EIF4G3: variants seen among roughly 807,000 people sequenced by gnomAD.
The protein encoded by EIF4G3 is eukaryotic translation initiation factor 4 gamma 3.
Under a neutral mutation model 186.4 loss-of-function variants are expected in EIF4G3, and 34 were observed. The observed-to-expected ratio is 0.18, with a 90% CI of 0.14 to 0.24. The LOEUF (loss-of-function observed/expected upper bound fraction) is 0.24. Ranked by LOEUF, EIF4G3 falls within the 10% of genes least tolerant of loss-of-function variation. The pLI is 1.00. For missense variants in EIF4G3, 1,536 were observed against 1,948.5 expected, an observed-to-expected ratio of 0.79 and a Z score of 3.99; for synonymous variants, 673 against 679.5, an observed-to-expected ratio of 0.99 and a Z score of 0.15.
chr1:20,858,554 CTTTG>C (rs375690151), intron 24 of EIF4G3, among the ~76,000 whole-genome samples: 78 of 152,236 alleles, frequency 5.1e-4, no homozygotes, highest in Admixed American at 2.9e-3. Context: ...CTTCTCCCTT[CTTTG>C]TTTTTCTACA....
intron 4 of EIF4G3, 29 bp from the exon 5 acceptor site, chr1:21,002,837 T>A: frequency 7.4e-7 from 1 of 1,344,840 alleles, no homozygotes. Flanking sequence ...AACAATATAA[T>A]ATTTTGAAAA....
At chr1:20,934,710 T>G (rs928031954) in intron 14 of EIF4G3, among the ~76,000 whole-genome samples, 1 of 152,106 alleles carries the variant, frequency 6.6e-6, no homozygotes, top group African/African-American at 2.4e-5. Flanking sequence ...CTCTGCCTAC[T>G]GGAGTTTAAT....
intron 14 of EIF4G3, among the ~76,000 whole-genome samples, chr1:20,920,265 G>A (rs993222415): frequency 6.6e-6 from 1 of 152,044 alleles, no homozygotes; most frequent in African/African-American, 2.4e-5. Flanking sequence ...TTTAAAATAG[G>A]CAATTTATGT....
rs114669611 is a variant in EIF4G3 at position 21,101,286 on chromosome 1, G to A, written c.-271-12073C>T. Among the ~76,000 whole-genome samples, 818 of 151,922 alleles carry A rather than the reference G, an allele frequency of 5.4e-3. 11 individuals carry two copies. The highest frequency in any genetic ancestry group is 0.024 in the East Asian group (122 of 5,098). The stretch of plus-strand genomic sequence containing the variant: ...CACTGCAGGATAAAATATGCAATAG[G>A]GCCGAGCACGGTGGCTCACGCCAGT... On this transcript the variant is annotated intron_variant, in intron 2 of 36. Transcript: ENST00000602326.
chr1:20,868,041 G>A (rs2078007581), intron 20 of EIF4G3, among the ~76,000 whole-genome samples: 2 of 149,426 alleles, frequency 1.3e-5, no homozygotes, highest in Non-Finnish European at 3.0e-5. Context: ...AATATGGAAA[G>A]GGGCCAGTGA....
chr1:21,097,169 G>A (rs1441407668), intron 2 of EIF4G3, among the ~76,000 whole-genome samples: 1 of 152,186 alleles, frequency 6.6e-6, no homozygotes, highest in Non-Finnish European at 1.5e-5. Context: ...CAAATAGTGT[G>A]CAGATTCTAT....
chr1:20,906,510 G>A (rs1395810800), intron 14 of EIF4G3, among the ~76,000 whole-genome samples: 2 of 152,084 alleles, frequency 1.3e-5, no homozygotes, highest in Admixed American at 1.3e-4. Flanking sequence ...GATTTTTGGG[G>A]CTCAAATATA....
At chr1:21,105,530 ATGT>A (rs976187411) in intron 2 of EIF4G3, among the ~76,000 whole-genome samples, 2 of 128,928 alleles carry the variant, frequency 1.6e-5, no homozygotes, top group Admixed American at 1.5e-4. Context: ...AACCTAAAAT[ATGT>A]TTTTTTAAGA....
chr1:20,831,766 A>T (rs1571274864), intron 30 of EIF4G3, among the ~76,000 whole-genome samples: 2 of 104,238 alleles, frequency 1.9e-5, no homozygotes, highest in Non-Finnish European at 1.9e-5. Context: ...CCCTCCCCCG[A>T]CCCCACAACA....
chr1:20,972,135 T>G lies in EIF4G3; in HGVS notation c.591+867A>C, dbSNP rs897476267. On this transcript the variant is annotated intron_variant, in intron 11 of 36. Coordinates refer to ENST00000602326, the MANE Select transcript of EIF4G3 (RefSeq NM_001391906.1). The stretch of plus-strand genomic sequence containing the variant: ...CTTTTATATTACTACACTCCAATTC[T>G]CTTGGGCCTGCCTCATTAGACAAAG... Among the ~76,000 whole-genome samples, 4 of 152,328 alleles carry G rather than the reference T, an allele frequency of 2.6e-5. No individual in the cohort carries two copies. In the South Asian group the frequency reaches 6.2e-4, roughly 24 times the overall value.
chr1:20,965,480 T>C (rs1328628921), intron 12 of EIF4G3, among the ~76,000 whole-genome samples: 1 of 152,218 alleles, frequency 6.6e-6, no homozygotes, highest in African/African-American at 2.4e-5. Flanking sequence ...TGGTAAATTA[T>C]ATGGTCATCC....
chr1:20,841,007 C>G lies in EIF4G3; in HGVS notation c.3910G>C (p.Glu1304Gln), dbSNP rs751584449. Residue 1304 changes from glutamate (E) to glutamine (Q), a missense_variant, in exon 30 of 37, where the codon GAG (glutamate) becomes CAG (glutamine). Physicochemically the swap from Glu to Gln is conservative, Grantham distance 29. Around this residue, in one of 11 missense-constraint regions of EIF4G3, gnomAD observed 395 missense variants for 498.9 expected, o/e 0.79. Transcript: ENST00000602326. Reference sequence around the variant, plus strand: ...TGTAGTAGGCCCTGGGCATTCAGCTCTTCCACACACTGCATGGCTTCCTGT... The same window carrying G: ...TGTAGTAGGCCCTGGGCATTCAGCTGTTCCACACACTGCATGGCTTCCTGT... Reference protein sequence around the residue: ...DFKEAMQCVEELNAQGLLHVF... With the variant: ...DFKEAMQCVEQLNAQGLLHVF... 6.2e-7 allele frequency: 1 copy of G among 1,614,152 alleles called. No homozygotes were observed. The highest frequency in any genetic ancestry group is 1.7e-5 in the Admixed American group (1 of 59,994).
intron 7 of EIF4G3, among the ~76,000 whole-genome samples, chr1:20,994,141 G>A (rs1226991707): frequency 1.3e-5 from 2 of 152,152 alleles, no homozygotes; most frequent in Admixed American, 6.5e-5. Flanking sequence ...AAGCCCAAAC[G>A]ATGCTAAATT....
chr1:21,050,473 G>A (rs1264007230), intron 4 of EIF4G3, among the ~76,000 whole-genome samples: 1 of 152,140 alleles, frequency 6.6e-6, no homozygotes, highest in African/African-American at 2.4e-5. Flanking sequence ...CTCAAGAGGG[G>A]AAGACACCAA....
chr1:20,854,198 G>A (rs983091593), intron 26 of EIF4G3, among the ~76,000 whole-genome samples: 2 of 152,014 alleles, frequency 1.3e-5, no homozygotes, highest in African/African-American at 4.8e-5. Context: ...TTGGTCCTGA[G>A]GTCAAATCTC....
At chr1:20,863,538 G>A (rs1481289740) in intron 22 of EIF4G3, among the ~76,000 whole-genome samples, 1 of 149,306 alleles carries the variant, frequency 6.7e-6, no homozygotes, top group African/African-American at 2.5e-5. Flanking sequence ...TCTGCCTCCC[G>A]GGTTCAAGCA....
At chr1:21,053,863 G>A (rs1182355464) in intron 3 of EIF4G3, among the ~76,000 whole-genome samples, 15 of 144,444 alleles carry the variant, frequency 1.0e-4, no homozygotes, top group African/African-American at 3.1e-4. Context: ...TCAGCCCCCC[G>A]CCCGGCCAGC....
At chr1:20,947,167 C>A (rs1395896704) in intron 13 of EIF4G3, among the ~76,000 whole-genome samples, 2 of 151,874 alleles carry the variant, frequency 1.3e-5, no homozygotes, top group African/African-American at 4.8e-5. Flanking sequence ...CACAACATGG[C>A]AAAACCTCGC....
chr1:21,150,017 C>T (rs1248438088), intron 2 of EIF4G3, among the ~76,000 whole-genome samples: 2 of 152,256 alleles, frequency 1.3e-5, no homozygotes, highest in African/African-American at 2.4e-5. Context: ...GTGTCATTCC[C>T]TCCAAACAGC....
Sources: gnomAD v4.1 joint callset for allele counts (sites outside exome capture counted in the v4.1 genomes callset) on GRCh38, gnomAD v4.1.1 for gene constraint, gnomAD v4.1.1 regional missense constraint, MANE v1.5 for transcripts, NCBI Gene and HGNC (gene_info 2026-07-23, HGNC 2026-07-21) for gene names.